The following TBXAS1 variants were observed in gnomAD, a reference collection of about 807,000 sequenced individuals.
TBXAS1 encodes thromboxane-A synthase.
A neutral mutation model predicts 60.7 loss-of-function variants in TBXAS1; 48 were observed. The ratio of observed to expected loss-of-function variants is 0.79; its 90% CI spans 0.63 to 1.01. The LOEUF (loss-of-function observed/expected upper bound fraction) is 1.01, where lower values mean the gene tolerates loss of function less well. Ranked by LOEUF, TBXAS1 falls within the 50% of genes least tolerant of loss-of-function variation. The probability of loss-of-function intolerance (pLI) is 0.00; values close to 1 mark genes in which losing one functional copy is unlikely to be tolerated. For synonymous variants in TBXAS1, 287 were observed against 269.7 expected, an observed-to-expected ratio of 1.06 and a Z score of -0.63; for missense variants, 685 against 686.3, an observed-to-expected ratio of 1.00 and a Z score of 0.02.
intron 4 of TBXAS1, among the ~76,000 whole-genome samples, chr7:139,797,945 A>G (rs1467509327): frequency 6.6e-6 from 1 of 152,200 alleles, no homozygotes. Flanking sequence ...GCTTCCTGAA[A>G]TTCTTCTCCT....
chr7:139,801,176 A>G (rs1377087771), intron 4 of TBXAS1, among the ~76,000 whole-genome samples: 4 of 152,228 alleles, frequency 2.6e-5, no homozygotes, highest in Admixed American at 2.0e-4. Flanking sequence ...GTTTTTAAAT[A>G]AAATAATGTT....
chr7:139,911,634 C>T (rs1477584383), intron 4 of TBXAS1, among the ~76,000 whole-genome samples: 1 of 152,150 alleles, frequency 6.6e-6, no homozygotes, highest in Non-Finnish European at 1.5e-5. Flanking sequence ...AGGGCACAGG[C>T]CAAGTGACTG....
chr7:139,935,767 A>T (rs1238202303), intron 4 of TBXAS1, among the ~76,000 whole-genome samples: 1 of 152,140 alleles, frequency 6.6e-6, no homozygotes, highest in Non-Finnish European at 1.5e-5. Context: ...CTTCGGGTCC[A>T]ACCTAACCAA....
In TBXAS1 at chr7:139,930,115, G is replaced by C. The variant is rs527279359; in HGVS notation, c.334-6076G>C. ...GGGTCCTCACGCACATGATGCCTTT[G>C]CTGTAATGGTTCCCATGCCCACCAA... On this transcript the variant is annotated intron_variant, in intron 4 of 12. Transcript: ENST00000448866. Among the ~76,000 whole-genome samples the C allele has an allele frequency of 5.3e-4, 81 of 152,194 alleles. 1 individual carries two copies. The highest frequency in any genetic ancestry group is 1.0e-3 in the Non-Finnish European group (68 of 68,014).
At chr7:139,936,689 G>A (rs1295676333) in intron 5 of TBXAS1, among the ~76,000 whole-genome samples, 1 of 152,228 alleles carries the variant, frequency 6.6e-6, no homozygotes, top group Non-Finnish European at 1.5e-5. Context: ...TGATTCAAGA[G>A]GGCCAGGGTG....
chr7:139,917,384 C>A (rs1017141796), intron 4 of TBXAS1, among the ~76,000 whole-genome samples: 3 of 152,072 alleles, frequency 2.0e-5, no homozygotes, highest in Admixed American at 6.6e-5. Flanking sequence ...AGTGGTATGG[C>A]GAAAGGTCTT....
chr7:139,855,516 G>C (rs1800520063), intron 1 of TBXAS1, among the ~76,000 whole-genome samples: 1 of 152,030 alleles, frequency 6.6e-6, no homozygotes, highest in South Asian at 2.1e-4. Context: ...GGAGGCTTGG[G>C]CTGCCAGGTG....
intron 4 of TBXAS1, among the ~76,000 whole-genome samples, chr7:139,911,844 A>G (rs1338375397): frequency 6.6e-6 from 1 of 152,254 alleles, no homozygotes; most frequent in Non-Finnish European, 1.5e-5. Flanking sequence ...TCCAGCCTAC[A>G]TGCATGTACA....
intron 9 of TBXAS1, among the ~76,000 whole-genome samples, chr7:139,995,122 T>C (rs1246251479): frequency 6.6e-6 from 1 of 152,162 alleles, no homozygotes; most frequent in East Asian, 1.9e-4. Context: ...ACATCTCGTA[T>C]TCTATAGTCA....
chr7:139,908,259 C>A (rs1468807565), intron 3 of TBXAS1, among the ~76,000 whole-genome samples: 2 of 151,946 alleles, frequency 1.3e-5, no homozygotes, highest in Middle Eastern at 3.4e-3. Context: ...CATTTAAGAT[C>A]TTTCCTCTTT....
At chr7:139,825,929 T>C (rs552070451), upstream of TBXAS1, among the ~76,000 whole-genome samples, 1 of 152,322 alleles carries the variant, frequency 6.6e-6, no homozygotes, top group Non-Finnish European at 1.5e-5. Context: ...TATTAGCAGG[T>C]TAGAGTCTCT....
intron 11 of TBXAS1, chr7:140,016,271 T>A (rs930573048): frequency 3.2e-6 from 1 of 314,106 alleles, no homozygotes; most frequent in African/African-American, 2.2e-5. Flanking sequence ...GAGCTTGCAG[T>A]GAGCCGAGAT....
At chr7:139,871,826 G>A (rs1342096428) in intron 1 of TBXAS1, among the ~76,000 whole-genome samples, 1 of 152,146 alleles carries the variant, frequency 6.6e-6, no homozygotes, top group African/African-American at 2.4e-5. Context: ...ATTTGCACAG[G>A]GAGCTTTTGC....
rs761605340 is a variant in TBXAS1, at chr7:139,829,437, T to C, written c.47T>C (p.Val16Ala). ...FLKLEVNGPM[V>A]TVALSVALLA... ...AAATTGGAAGTGAATGGCCCCATGG[T>C]GACGGTGGCCCTGTCAGTGGCTCTC... Residue 16 changes from valine (V) to alanine (A), a missense_variant, in exon 1 of 13, where the codon GTG (valine) becomes GCG (alanine). Val to Ala is a moderately conservative substitution (Grantham distance 64). Transcript: ENST00000448866. 5.6e-6 allele frequency: 9 copies of C among 1,614,010 alleles called. No homozygotes were observed. The highest frequency in any genetic ancestry group is 2.2e-5 in the East Asian group (1 of 44,882).
At chr7:139,816,558 G>A (rs1233873385) in intron 4 of TBXAS1, among the ~76,000 whole-genome samples, 1 of 152,150 alleles carries the variant, frequency 6.6e-6, no homozygotes, top group African/African-American at 2.4e-5. Context: ...GGGTTGAGAA[G>A]CACACTGTTC....
chr7:140,018,025 C>T (rs1016662014), intron 12 of TBXAS1, among the ~76,000 whole-genome samples, 192 bp downstream of exon 12: 6 of 152,222 alleles, frequency 3.9e-5, no homozygotes, highest in Non-Finnish European at 8.8e-5. Flanking sequence ...ACACCCTCTA[C>T]CTCTCAACAT....
At chr7:139,847,354 GC>G (rs558333506) in intron 1 of TBXAS1, among the ~76,000 whole-genome samples, 147 of 152,082 alleles carry the variant, frequency 9.7e-4, no homozygotes, top group African/African-American at 3.3e-3. Context: ...CAGTAAATAA[GC>G]CCCGCTAAGC....
intron 7 of TBXAS1, among the ~76,000 whole-genome samples, chr7:139,956,425 C>T (rs1395016261): frequency 3.3e-5 from 5 of 152,164 alleles, no homozygotes; most frequent in African/African-American, 7.2e-5. Context: ...GGATTACAAG[C>T]GTGAGCCACC....
intron 4 of TBXAS1, among the ~76,000 whole-genome samples, chr7:139,799,325 G>A (rs142214288): frequency 0.033 from 5,037 of 151,874 alleles, 275 homozygotes; most frequent in African/African-American, 0.11. Flanking sequence ...TGCTTCCCGG[G>A]TTCAAGCAAT....
Sources: gnomAD v4.1 joint callset for allele counts (sites outside exome capture counted in the v4.1 genomes callset) on GRCh38, gnomAD v4.1.1 for gene constraint, MANE v1.5 for transcripts, NCBI Gene and HGNC (gene_info 2026-07-23, HGNC 2026-07-21) for gene names.